The following ATF7IP2 variants were observed in gnomAD, a reference collection of about 807,000 sequenced individuals.
ATF7IP2 encodes activating transcription factor 7-interacting protein 2.
In ATF7IP2, 42 loss-of-function variants were observed where a neutral mutation model predicts 64.2. The observed-to-expected ratio is 0.65, with a 90% CI of 0.51 to 0.85. The LOEUF is 0.85. ATF7IP2 is among the 40% of genes least tolerant of loss of function. The probability of loss-of-function intolerance (pLI) is 0.00; values close to 1 mark genes in which losing one functional copy is unlikely to be tolerated. For missense variants in ATF7IP2, 933 were observed against 784.2 expected (o/e 1.19, Z -2.27); for synonymous variants, 308 against 272.8 (o/e 1.13, Z -1.27).
At chr16:10,471,656 A>C (rs1794134696) in intron 9 of ATF7IP2, among the ~76,000 whole-genome samples, 1 of 152,216 alleles carries the variant, frequency 6.6e-6, no homozygotes, top group Non-Finnish European at 1.5e-5. Context: ...GAGAGATAAA[A>C]TGAAGAGTAG....
chr16:10,392,205 T>A (rs2047340850), intron 1 of ATF7IP2, among the ~76,000 whole-genome samples: 1 of 151,836 alleles, frequency 6.6e-6, no homozygotes, highest in Non-Finnish European at 1.5e-5. Flanking sequence ...CATGCCCAGC[T>A]AATTTTTGTA....
chr16:10,393,515 A>G (rs1320116001), intron 1 of ATF7IP2, among the ~76,000 whole-genome samples: 2 of 152,144 alleles, frequency 1.3e-5, no homozygotes, highest in East Asian at 1.9e-4. Context: ...GGTAGAATAT[A>G]AAGCCATGAG....
intron 8 of ATF7IP2, among the ~76,000 whole-genome samples, chr16:10,455,973 ATTTTATTTCTTTTTTTATT>A (rs1405717533): frequency 1.7e-5 from 1 of 57,690 alleles, no homozygotes; most frequent in Non-Finnish European, 3.6e-5. Flanking sequence ...GACTTATGAG[ATTTTATTTCTTTTTTTATT>A]TTTTGGAGTC....
intron 9 of ATF7IP2, among the ~76,000 whole-genome samples, chr16:10,460,969 A>G (rs1596580164): frequency 6.6e-6 from 1 of 152,298 alleles, no homozygotes. Context: ...CGCAGAATAT[A>G]TATAAAGAAC....
Position 10,461,907 on chromosome 16 carries a change from C to A in ATF7IP2, c.1352+4378C>A, listed in dbSNP as rs184398618. On this transcript the variant is annotated intron_variant, in intron 9 of 13. Transcript: ENST00000562102. ...AAAAATGATTTATGCTTAGTGTAATCTGACTGATGTGTGTGGATTTATAAT... is the reference window on the plus strand; with the variant it reads ...AAAAATGATTTATGCTTAGTGTAATATGACTGATGTGTGTGGATTTATAAT... 6.7e-3 allele frequency among the ~76,000 whole-genome samples: 1,017 copies of A among 152,124 alleles called. 7 individuals carry two copies. Among genetic ancestry groups the A allele is most frequent in the Non-Finnish European group, 7.8e-3 (527 of 67,928 alleles).
chr16:10,403,547 C>A (rs934603074), intron 1 of ATF7IP2, among the ~76,000 whole-genome samples: 1 of 152,022 alleles, frequency 6.6e-6, no homozygotes, highest in Non-Finnish European at 1.5e-5. Flanking sequence ...TTACAGGAAG[C>A]ATGAAAAAGT....
chr16:10,478,646 T>C (rs1339691877), intron 12 of ATF7IP2, among the ~76,000 whole-genome samples: 1 of 152,050 alleles, frequency 6.6e-6, no homozygotes, highest in Non-Finnish European at 1.5e-5. Context: ...AAGCCAAAAT[T>C]GACAAATGGG....
At chr16:10,441,882 C>T (rs2048636300) in intron 8 of ATF7IP2, among the ~76,000 whole-genome samples, 2 of 152,162 alleles carry the variant, frequency 1.3e-5, no homozygotes, top group African/African-American at 4.8e-5. Flanking sequence ...ACAAAGAAAA[C>T]ATGCACTCAG....
At chr16:10,460,875 A>AG (rs1400080130) in intron 9 of ATF7IP2, among the ~76,000 whole-genome samples, 4 of 152,330 alleles carry the variant, frequency 2.6e-5, no homozygotes, top group East Asian at 3.9e-4. Context: ...GTTTCTCAAA[A>AG]GGCACTATAA....
chr16:10,463,657 C>T (rs780656747), intron 9 of ATF7IP2, among the ~76,000 whole-genome samples: 1 of 152,142 alleles, frequency 6.6e-6, no homozygotes, highest in Non-Finnish European at 1.5e-5. Context: ...CATGAGAAAA[C>T]GTGAGGTAGA....
chr16:10,457,663 T>C, intron 9 of ATF7IP2, 134 bp downstream of exon 9: 1 of 713,736 alleles, frequency 1.4e-6, no homozygotes. Context: ...AGTTTTACTT[T>C]TACATATTAT....
At chr16:10,444,060 G>A (rs1031236059) in intron 8 of ATF7IP2, among the ~76,000 whole-genome samples, 1 of 152,132 alleles carries the variant, frequency 6.6e-6, no homozygotes, top group Non-Finnish European at 1.5e-5. Context: ...TAGAGGGCCA[G>A]GGCAAAGGTA....
chr16:10,441,299 G>T (rs75325960), intron 8 of ATF7IP2, among the ~76,000 whole-genome samples: 1 of 152,100 alleles, frequency 6.6e-6, no homozygotes, highest in Non-Finnish European at 1.5e-5. Context: ...TGGTAGTTCT[G>T]GTTCTATAGA....
chr16:10,435,290 C>T (rs902862787), intron 6 of ATF7IP2, among the ~76,000 whole-genome samples: 2 of 152,198 alleles, frequency 1.3e-5, no homozygotes, highest in Non-Finnish European at 2.9e-5. Context: ...AGGAGCATGG[C>T]CGGGTTAATT....
intron 3 of ATF7IP2, among the ~76,000 whole-genome samples, chr16:10,421,232 C>T (rs1446056471): frequency 2.0e-5 from 3 of 152,146 alleles, no homozygotes; most frequent in Non-Finnish European, 4.4e-5. Context: ...AGAAAAGCCA[C>T]TGTACAAGAT....
chr16:10,451,142 C>T (rs1000441672), intron 8 of ATF7IP2, among the ~76,000 whole-genome samples: 8 of 152,116 alleles, frequency 5.3e-5, no homozygotes, highest in Non-Finnish European at 1.2e-4. Context: ...GAATATTGGC[C>T]CCCACTCTCT....
In ATF7IP2 at chr16:10,482,505, C is replaced by G. The variant is rs2050274402; in HGVS notation, c.*256C>G. On this transcript the variant is annotated 3_prime_UTR_variant, in exon 14 of 14. Transcript: ENST00000562102. ...TTGCTGAGGTGCATTGTGAACAATA[C>G]CTTTAGTGACTGTGGAACTGCTGCT... 3.6e-6 allele frequency: 1 copy of G among 279,816 alleles called. No individual in the cohort carries two copies. The highest frequency in any genetic ancestry group is 2.2e-5 in the African/African-American group (1 of 44,604). 17.3% of individuals were successfully genotyped at this position (279,816 alleles called of 1,614,324 possible).
intron 11 of ATF7IP2, 63 bp downstream of exon 11, chr16:10,473,597 G>A: frequency 2.5e-6 from 3 of 1,185,916 alleles, no homozygotes; most frequent in Admixed American, 4.2e-5. Flanking sequence ...AGGAACTTTA[G>A]TGTTTGCTAC....
intron 12 of ATF7IP2, 101 bp downstream of exon 12, chr16:10,474,090 G>A: frequency 1.3e-6 from 1 of 752,484 alleles, no homozygotes; most frequent in Non-Finnish European, 2.2e-6. Context: ...ATATGTGAGT[G>A]TGCCTATGTT....
Sources: gnomAD v4.1 joint callset for allele counts (sites outside exome capture counted in the v4.1 genomes callset) on GRCh38, gnomAD v4.1.1 for gene constraint, MANE v1.5 for transcripts, NCBI Gene and HGNC (gene_info 2026-07-23, HGNC 2026-07-21) for gene names.